PCDH18: variants seen among roughly 807,000 people sequenced by gnomAD.
PCDH18 encodes the protein protocadherin-18.
A neutral mutation model predicts 71.5 loss-of-function variants in PCDH18; 38 were observed. The ratio of observed to expected loss-of-function variants is 0.53; its 90% CI spans 0.41 to 0.70. The LOEUF (loss-of-function observed/expected upper bound fraction) is 0.70, where lower values mean the gene tolerates loss of function less well. Ranked by LOEUF, PCDH18 falls within the 30% of genes least tolerant of loss-of-function variation. PCDH18 has a pLI of 0.00. For synonymous variants in PCDH18, 565 were observed against 505.4 expected (o/e 1.12, Z -1.58); for missense variants, 1,334 against 1,384.6 (o/e 0.96, Z 0.58).
Position 137,532,390 on chromosome 4 carries a change from G to A in PCDH18, c.-302C>T, listed in dbSNP as rs1461386167. 1.4e-6 allele frequency: 1 copy of A among 701,136 alleles called. No individual in the cohort carries two copies. The highest frequency in any genetic ancestry group is 2.6e-6 in the Non-Finnish European group (1 of 384,526). 43.4% of individuals were successfully genotyped at this position (701,136 alleles called of 1,614,324 possible). A position where few individuals can be genotyped will look rare whatever the true frequency, so the allele number is the denominator to read the frequency against. ...GTAGTCGGAATCCATCTATTGCAGGGTGCCGGTGGAGTCTGCAGTGTGTCT... is the reference window on the plus strand; with the variant it reads ...GTAGTCGGAATCCATCTATTGCAGGATGCCGGTGGAGTCTGCAGTGTGTCT... On this transcript the variant is annotated 5_prime_UTR_variant, in exon 1 of 4. Coordinates refer to ENST00000344876, the MANE Select transcript of PCDH18 (RefSeq NM_019035.5).
chr4:137,532,197 G>T lies in PCDH18; in HGVS notation c.-109C>A. 2.2e-6 allele frequency: 2 copies of T among 904,756 alleles called. No homozygotes were observed. The highest frequency in any genetic ancestry group is 1.8e-6 in the Non-Finnish European group (1 of 542,622). 56.0% of individuals were successfully genotyped at this position (904,756 alleles called of 1,614,324 possible). A position where few individuals can be genotyped will look rare whatever the true frequency, so the allele number is the denominator to read the frequency against. On this transcript the variant is annotated 5_prime_UTR_variant, in exon 1 of 4. Transcript: ENST00000344876. ...CATTTGGTACTTGAAACTTGAAAGCGTCTCTTAATAACACAGCACAGCAAT... is the reference window on the plus strand; with the variant it reads ...CATTTGGTACTTGAAACTTGAAAGCTTCTCTTAATAACACAGCACAGCAAT...
In PCDH18 at chr4:137,530,431, G is replaced by A. The variant is rs753984633; in HGVS notation, c.1658C>T (p.Pro553Leu). 8 of 1,613,886 alleles carry A rather than the reference G, an allele frequency of 5.0e-6. No homozygotes were observed. The African/African-American group carries it at 6.7e-5, about 13-fold the overall frequency. The change falls in exon 1 of 4, where the codon CCG becomes CTG. Residue 553 changes from proline to leucine, a missense_variant. Physicochemically the swap from Pro to Leu is moderately conservative, Grantham distance 98. Around this residue, in one of 3 missense-constraint regions of PCDH18, gnomAD observed 1,011 missense variants for 1,048.0 expected, o/e 0.96. Coordinates refer to ENST00000344876, the MANE Select transcript of PCDH18 (RefSeq NM_019035.5). Reference protein sequence around the residue: ...FVVEARDGGSPKQLVSNTTVV... With the variant: ...FVVEARDGGSLKQLVSNTTVV... ...TGTGGTATTGCTTACCAGTTGCTTC[G>A]GGCTTCCTCCATCTCTTGCTTCTAC... is the stretch of plus-strand genomic sequence containing the variant.
chr4:137,530,220 A>T lies in PCDH18; in HGVS notation c.1869T>A (p.Gly623=), dbSNP rs1023045123. Residue 623 remains glycine, a synonymous_variant, in exon 1 of 4, where the codon GGT becomes GGA. Transcript: ENST00000344876. ...NAELSCAIVA[G]NEENIFIIDP... is the part of the protein sequence containing the mutation. ...CAATTATGAAGATATTCTCCTCATT[A>T]CCTGCTACTATGGCGCAGCTGAGTT... 1 of 1,613,988 alleles carries T rather than the reference A, an allele frequency of 6.2e-7. No individual in the cohort carries two copies. Among genetic ancestry groups the T allele is most frequent in the African/African-American group, 1.3e-5 (1 of 75,030 alleles).
At chr4:137,527,550 C>T (rs1189115996) in intron 3 of PCDH18, among the ~76,000 whole-genome samples, 1 of 152,128 alleles carries the variant, frequency 6.6e-6, no homozygotes, top group Non-Finnish European at 1.5e-5. Context: ...ATGTTTATTT[C>T]CTAAACTCTC....
rs1376626396 is a variant in PCDH18, at chr4:137,521,910, CT to C, written c.2741-215del. On this transcript the variant is annotated intron_variant, in intron 3 of 3. Coordinates refer to ENST00000344876, the MANE Select transcript of PCDH18 (RefSeq NM_019035.5). ...TCCATAAGTGTTATCTTCTGGTGTG[CT>C]TTTTTTTCCTTATTGATCAGGTAAG... Among the ~76,000 whole-genome samples the C allele has an allele frequency of 1.1e-4, 17 of 152,006 alleles. No individual in the cohort carries two copies. The South Asian group carries it at 3.5e-3, about 32-fold the overall frequency.
In PCDH18 at chr4:137,531,994, T is replaced by C; in HGVS notation, c.95A>G (p.Tyr32Cys). The change falls in exon 1 of 4, where the codon TAC becomes TGC. Residue 32 changes from tyrosine (Y) to cysteine (C), a missense_variant. Tyr to Cys is a radical substitution (Grantham distance 194). Transcript: ENST00000344876. Reference sequence around the variant, plus strand: ...AACCCTCTGTTCCTCATAAATCCTGTATTTCAAATTCTTGCCCAGTACATC... The same window carrying C: ...AACCCTCTGTTCCTCATAAATCCTGCATTTCAAATTCTTGCCCAGTACATC... Reference protein sequence around the residue: ...NHDVLGKNLKYRIYEEQRVGS... With the variant: ...NHDVLGKNLKCRIYEEQRVGS... The C allele has an allele frequency of 6.2e-7, 1 of 1,613,968 alleles. No individual in the cohort carries two copies. The highest frequency in any genetic ancestry group is 8.5e-7 in the Non-Finnish European group (1 of 1,179,862).
rs920746971 is a variant in PCDH18, at chr4:137,520,867, A to G, written c.*162T>C. ...TACAGATTAAAATAATCACACTTGC[A>G]TTGTGTACATACGAAAATACAGTAT... is the stretch of plus-strand genomic sequence containing the variant. On this transcript the variant is annotated 3_prime_UTR_variant, in exon 4 of 4. Transcript: ENST00000344876. 5.5e-6 allele frequency: 3 copies of G among 548,284 alleles called. No homozygotes were observed. The highest frequency in any genetic ancestry group is 9.7e-6 in the Non-Finnish European group (3 of 310,452). 34.0% of individuals were successfully genotyped at this position (548,284 alleles called of 1,614,324 possible).
In PCDH18 at chr4:137,530,996, C is replaced by T. The variant is rs550627621; in HGVS notation, c.1093G>A (p.Glu365Lys). 3 of 1,612,286 alleles carry T rather than the reference C, an allele frequency of 1.9e-6. No homozygotes were observed. Among genetic ancestry groups the T allele is most frequent in the Non-Finnish European group, 2.5e-6 (3 of 1,179,228 alleles). Residue 365 changes from glutamate (E) to lysine (K), a missense_variant, in exon 1 of 4, where the codon GAA (glutamate) becomes AAA (lysine). Coordinates refer to ENST00000344876, the MANE Select transcript of PCDH18 (RefSeq NM_019035.5). ...TCCCCTTCAAAAATATAAGATATTTCTTCTTTTCCAGGGGACATGAGGTTG... is the reference window on the plus strand; with the variant it reads ...TCCCCTTCAAAAATATAAGATATTTTTTCTTTTCCAGGGGACATGAGGTTG... ...NINLMSPGKE[E>K]ISYIFEGDPI...
chr4:137,531,826 A>T lies in PCDH18; in HGVS notation c.263T>A (p.Ile88Lys). Reference sequence around the variant, plus strand: ...TTGTTCACGGTCAATTGTAGCCCCTATGCTGATTTCCCCATTATCCTCGTT... The same window carrying T: ...TTGTTCACGGTCAATTGTAGCCCCTTTGCTGATTTCCCCATTATCCTCGTT... ...VVNEDNGEIS[I>K]GATIDREQLC... The change falls in exon 1 of 4, where the codon ATA (isoleucine) becomes AAA (lysine). Residue 88 changes from isoleucine (I) to lysine (K), a missense_variant. Coordinates refer to ENST00000344876, the MANE Select transcript of PCDH18 (RefSeq NM_019035.5). 9 of 1,614,176 alleles carry T rather than the reference A, an allele frequency of 5.6e-6. No homozygotes were observed. Among genetic ancestry groups the T allele is most frequent in the Non-Finnish European group, 7.6e-6 (9 of 1,180,028 alleles).
Position 137,530,829 on chromosome 4 carries a change from A to G in PCDH18, c.1260T>C (p.Asn420=). The change falls in exon 1 of 4, where the codon AAT becomes AAC. Residue 420 remains asparagine, a synonymous_variant. Coordinates refer to ENST00000344876, the MANE Select transcript of PCDH18 (RefSeq NM_019035.5). ...TYENNYLILT[N]ATLDREKRSE... is the part of the protein sequence containing the mutation. ...ATCTCTTTTCTCTATCCAGTGTGGC[A>G]TTAGTTAAGATTAAATAATTGTTTT... The G allele has an allele frequency of 3.1e-6, 5 of 1,610,026 alleles. No individual in the cohort carries two copies. Among genetic ancestry groups the G allele is most frequent in the Non-Finnish European group, 4.2e-6 (5 of 1,177,366 alleles).
intron 3 of PCDH18, among the ~76,000 whole-genome samples, chr4:137,525,915 T>C (rs1034799921): frequency 2.6e-5 from 4 of 152,106 alleles, no homozygotes; most frequent in African/African-American, 9.7e-5. Flanking sequence ...ACTCCTAATT[T>C]TGAAAAGAAA....
At position 137,531,989 on chromosome 4, in the gene PCDH18, T is replaced by C; in HGVS notation, c.100A>G (p.Ile34Val). 1 of 1,613,988 alleles carries C rather than the reference T, an allele frequency of 6.2e-7. No individual in the cohort carries two copies. Among genetic ancestry groups the C allele is most frequent in the East Asian group, 2.2e-5 (1 of 44,862 alleles). ...GATCCAACCCTCTGTTCCTCATAAA[T>C]CCTGTATTTCAAATTCTTGCCCAGT... ...DVLGKNLKYR[I>V]YEEQRVGSVI... Residue 34 changes from isoleucine (I) to valine (V), a missense_variant, in exon 1 of 4, where the codon ATT (isoleucine) becomes GTT (valine). Physicochemically the swap from Ile to Val is conservative, Grantham distance 29. Transcript: ENST00000344876.
At chr4:137,527,145 A>G (rs1437033425) in intron 3 of PCDH18, among the ~76,000 whole-genome samples, 2 of 152,074 alleles carry the variant, frequency 1.3e-5, no homozygotes, top group Admixed American at 1.3e-4. Flanking sequence ...GGCTACTGCC[A>G]TCACTACTTC....
intron 1 of PCDH18, chr4:137,529,350 G>C (rs574279808): frequency 1.8e-5 from 7 of 378,628 alleles, no homozygotes; most frequent in African/African-American, 1.0e-4. Flanking sequence ...TAATTACATA[G>C]TCCTTTGTGA....
At position 137,519,435 on chromosome 4, in the gene PCDH18, T is replaced by A. The variant is rs1180056245; in HGVS notation, c.*1594A>T. ...TGTAATTTGAAAAATATTCAAGCAA[T>A]TATTGCTTGCTTACTCTTTTTTCTT... On this transcript the variant is annotated 3_prime_UTR_variant, in exon 4 of 4. Transcript: ENST00000344876. The A allele has an allele frequency of 1.3e-5, 2 of 152,164 alleles. No individual in the cohort carries two copies. Among genetic ancestry groups the A allele is most frequent in the Admixed American group, 1.3e-4 (2 of 15,268 alleles). 9.4% of individuals were successfully genotyped at this position (152,164 alleles called of 1,614,324 possible). A position where few individuals can be genotyped will look rare whatever the true frequency, so the allele number is the denominator to read the frequency against.
chr4:137,525,188 A>G (rs1731411481), intron 3 of PCDH18, among the ~76,000 whole-genome samples: 1 of 152,190 alleles, frequency 6.6e-6, no homozygotes, highest in South Asian at 2.1e-4. Context: ...TGAGTAAGAA[A>G]GTATGTTGGC....
rs149298558 is a variant in PCDH18 at position 137,521,613 on chromosome 4, C to T, written c.2824G>A (p.Asp942Asn). 3.3e-5 allele frequency: 53 copies of T among 1,613,664 alleles called. No homozygotes were observed. The highest frequency in any genetic ancestry group is 4.2e-5 in the Non-Finnish European group (49 of 1,180,014). ...GGAATGAACATGTTACTCCTATAAT[C>T]AGAAGACGGTGAGGGCAGTGGTGGC... ...WMPPLPSPSSDYRSNMFIPGE... is the reference protein window; with the variant it reads ...WMPPLPSPSSNYRSNMFIPGE... The change falls in exon 4 of 4, where the codon GAT (aspartate) becomes AAT (asparagine). Residue 942 changes from aspartate (D) to asparagine (N), a missense_variant. Coordinates refer to ENST00000344876, the MANE Select transcript of PCDH18 (RefSeq NM_019035.5).
In PCDH18 at chr4:137,520,943, A is replaced by G. The variant is rs773977239; in HGVS notation, c.*86T>C. The G allele has an allele frequency of 4.4e-5, 40 of 900,176 alleles. No individual in the cohort carries two copies. The highest frequency in any genetic ancestry group is 6.7e-5 in the Non-Finnish European group (39 of 580,740). The allele number at this position is 900,176 out of a possible 1,614,324, so 55.8% of individuals were successfully genotyped here. On this transcript the variant is annotated 3_prime_UTR_variant, in exon 4 of 4. Transcript: ENST00000344876. ...TTTATGATAAATGCAACTATTTGGC[A>G]ATGCCAGTTCTTTCAGGGTTTTTTG...
rs894253834 is a variant in PCDH18, at chr4:137,530,172, A to G, written c.1917T>C (p.His639=). 3.7e-6 allele frequency: 6 copies of G among 1,613,506 alleles called. No individual in the cohort carries two copies. The highest frequency in any genetic ancestry group is 5.1e-6 in the Non-Finnish European group (6 of 1,179,696). Residue 639 remains histidine (H), a synonymous_variant, in exon 1 of 4, where the codon CAT becomes CAC. Coordinates refer to ENST00000344876, the MANE Select transcript of PCDH18 (RefSeq NM_019035.5). ...FIIDPRSCDI[H]TNVSMDSVPY... ...GAACAGAATCCATGCTAACGTTGGT[A>G]TGGATGTCACATGATCGTGGATCAA...
Sources: allele counts gnomAD v4.1 joint callset (sites outside exome capture counted in the v4.1 genomes callset), GRCh38; gene constraint gnomAD v4.1.1; regional missense constraint gnomAD v4.1.1; transcripts MANE v1.5; gene names NCBI Gene and HGNC (gene_info 2026-07-23, HGNC 2026-07-21).